The following CGREF1 variants were observed in gnomAD, a reference collection of about 807,000 sequenced individuals.
CGREF1 encodes the protein cell growth regulator with EF-hand domain 1.
In CGREF1, 16 loss-of-function variants were observed where a neutral mutation model predicts 17.4. The ratio of observed to expected loss-of-function variants is 0.92; its 90% CI spans 0.62 to 1.40. CGREF1 has a LOEUF of 1.40. Among genes scored for constraint, CGREF1 ranks in the 40% most tolerant of loss-of-function variants. The probability of loss-of-function intolerance (pLI) is 0.00; values close to 1 mark genes in which losing one functional copy is unlikely to be tolerated. For synonymous variants in CGREF1, 142 were observed against 154.6 expected, an observed-to-expected ratio of 0.92 and a Z score of 0.61; for missense variants, 296 against 376.4, an observed-to-expected ratio of 0.79 and a Z score of 1.77.
At chr2:27,100,085 A>AG, downstream of CGREF1, 1 of 595,752 alleles carries the variant, frequency 1.7e-6, no homozygotes, top group Non-Finnish European at 3.0e-6. Context: ...GGCCCAGAGG[A>AG]GGGGCTGCCT....
chr2:27,106,641 T>C (rs780069719), intron 1 of CGREF1, among the ~76,000 whole-genome samples: 4 of 152,134 alleles, frequency 2.6e-5, no homozygotes, highest in Non-Finnish European at 4.4e-5. Context: ...GGATGGAGTC[T>C]CTCTCACTCT....
chr2:27,104,194 T>C, intron 2 of CGREF1, 93 bp downstream of exon 2: 1 of 1,290,416 alleles, frequency 7.7e-7, no homozygotes. Context: ...TACACCCCAG[T>C]CTCCTGCCTC....
chr2:27,103,145 T>C, intron 2 of CGREF1: 3 of 981,640 alleles, frequency 3.1e-6, no homozygotes, highest in Non-Finnish European at 3.6e-6. Flanking sequence ...ACTTCTGGAC[T>C]GGGTTAACTG....
Position 27,118,473 on chromosome 2 carries a change from G to A in CGREF1, c.-12+373C>T, listed in dbSNP as rs566976418. On this transcript the variant is annotated intron_variant, in intron 1 of 5. Transcript: ENST00000402394. ...GTCCCTCGGCCACCTGCAAGCGGAC[G>A]ACAGCCTCGGGCCCTCCCCAGCGCT... 2.0e-5 allele frequency among the ~76,000 whole-genome samples: 3 copies of A among 152,294 alleles called. No homozygotes were observed. The East Asian group carries it at 5.8e-4, about 29-fold the overall frequency.
intron 1 of CGREF1, among the ~76,000 whole-genome samples, chr2:27,116,897 C>G (rs1671597105): frequency 7.8e-6 from 1 of 128,708 alleles, no homozygotes; most frequent in Non-Finnish European, 1.7e-5. Context: ...CTCTCTCTCT[C>G]TCTCTCTCTC....
At chr2:27,105,278 C>A (rs1307064071) in intron 1 of CGREF1, among the ~76,000 whole-genome samples, 4 of 152,120 alleles carry the variant, frequency 2.6e-5, no homozygotes, top group African/African-American at 9.7e-5. Flanking sequence ...CAGGAACATC[C>A]CCATCTGGCT....
chr2:27,116,883 CTCTCTCTCTCTCTCTCTCTCTCT>C, intron 1 of CGREF1, among the ~76,000 whole-genome samples: 1 of 70,324 alleles, frequency 1.4e-5, no homozygotes, highest in African/African-American at 6.3e-5. Flanking sequence ...CTCTCTCTCT[CTCTCTCTCTCTCTCTCTCTCTCT>C]CTCTCTCTCT....
chr2:27,116,299 G>A (rs987957502), intron 1 of CGREF1, among the ~76,000 whole-genome samples: 2 of 150,740 alleles, frequency 1.3e-5, no homozygotes, highest in Non-Finnish European at 3.0e-5. Flanking sequence ...GGCCAAGGTG[G>A]AAGGATCACC....
downstream of CGREF1, chr2:27,099,491 C>T (rs992781636): frequency 1.5e-5 from 24 of 1,614,142 alleles, no homozygotes; most frequent in Middle Eastern, 1.6e-4. Context: ...TTGCTCCACT[C>T]GGATGCTTTC....
intron 1 of CGREF1, among the ~76,000 whole-genome samples, chr2:27,116,235 A>C (rs1420001892): frequency 6.6e-6 from 1 of 151,186 alleles, no homozygotes; most frequent in Non-Finnish European, 1.5e-5. Context: ...AAAAAAAAAA[A>C]AAAAACAAAG....
intron 1 of CGREF1, among the ~76,000 whole-genome samples, chr2:27,113,990 CTTTTTTTTT>C (rs60288087): frequency 9.8e-6 from 1 of 102,342 alleles, no homozygotes; most frequent in Non-Finnish European, 1.8e-5. Flanking sequence ...TAGCAGGTGC[CTTTTTTTTT>C]TTTTTTTTTT....
At chr2:27,116,925 T>TCTC (rs1671608225) in intron 1 of CGREF1, among the ~76,000 whole-genome samples, 8 of 62,140 alleles carry the variant, frequency 1.3e-4, no homozygotes, top group East Asian at 9.0e-4. Flanking sequence ...CTCTCTCTCT[T>TCTC]TTTTTGAGAC....
chr2:27,107,772 A>C (rs548240115), intron 1 of CGREF1, among the ~76,000 whole-genome samples: 3 of 151,240 alleles, frequency 2.0e-5, no homozygotes, highest in Admixed American at 6.6e-5. Context: ...GTCTCTACTA[A>C]AAATACAAAA....
At chr2:27,102,033 A>G in intron 5 of CGREF1, 64 bp downstream of exon 5, 2 of 1,562,304 alleles carry the variant, frequency 1.3e-6, no homozygotes, top group Non-Finnish European at 1.7e-6. Flanking sequence ...TTATGATGAG[A>G]AAGACCAAAG....
downstream of CGREF1, chr2:27,100,169 A>C: frequency 2.1e-6 from 1 of 477,892 alleles, no homozygotes; most frequent in Non-Finnish European, 3.8e-6. Flanking sequence ...TCGGTGCCCC[A>C]CACCCAGTGA....
chr2:27,102,452 A>G (rs760024399), intron 3 of CGREF1, 22 bp from the exon 4 acceptor site: 21 of 1,613,750 alleles, frequency 1.3e-5, no homozygotes, highest in African/African-American at 2.7e-5. Context: ...GTGGAGAATC[A>G]GCCCGGGAGA....
At chr2:27,113,171 G>A (rs1381345740) in intron 1 of CGREF1, among the ~76,000 whole-genome samples, 1 of 152,116 alleles carries the variant, frequency 6.6e-6, no homozygotes, top group Non-Finnish European at 1.5e-5. Flanking sequence ...GAAGAAGGGG[G>A]CTGAGGTCAG....
In CGREF1 at chr2:27,102,682, C is replaced by T. The variant is rs983868226; in HGVS notation, c.81-91G>A. 29 of 1,378,270 alleles carry T rather than the reference C, an allele frequency of 2.1e-5. No individual in the cohort carries two copies. The African/African-American group carries it at 3.6e-4, about 17-fold the overall frequency. The allele number at this position is 1,378,270 out of a possible 1,614,324, so 85.4% of individuals were successfully genotyped here. ...CTGCCTCCAATCTCCTGGCAGTTTTCTCCCCAGACCCAAAGGGAGTTGCCC... is the reference window on the plus strand; with the variant it reads ...CTGCCTCCAATCTCCTGGCAGTTTTTTCCCCAGACCCAAAGGGAGTTGCCC... On this transcript the variant is annotated intron_variant, in intron 2 of 5. Transcript: ENST00000402394.
At chr2:27,104,842 T>TTTGTGTTTA in intron 1 of CGREF1, 1 of 1,420,068 alleles carries the variant, frequency 7.0e-7, no homozygotes, top group Non-Finnish European at 9.3e-7. Context: ...AAATGGACTG[T>TTTGTGTTTA]TTGTGTTTAT....
Sources: gnomAD v4.1 joint callset for allele counts (sites outside exome capture counted in the v4.1 genomes callset) on GRCh38, gnomAD v4.1.1 for gene constraint, MANE v1.5 for transcripts, NCBI Gene and HGNC (gene_info 2026-07-23, HGNC 2026-07-21) for gene names.